PAWR: variants seen among roughly 807,000 people sequenced by gnomAD.
PAWR encodes the protein pro-apoptotic WT1 regulator, also known as PRKC apoptosis WT1 regulator protein.
A neutral mutation model predicts 32.0 loss-of-function variants in PAWR; 23 were observed. The observed-to-expected ratio is 0.72, with a 90% CI of 0.52 to 1.02. The LOEUF is 1.02. Among genes scored for constraint, PAWR ranks in the 50% least tolerant of loss-of-function variants. The pLI is 0.00. For missense variants in PAWR, 457 were observed against 437.7 expected, an observed-to-expected ratio of 1.04 and a Z score of -0.39; for synonymous variants, 226 against 187.1, an observed-to-expected ratio of 1.21 and a Z score of -1.70.
chr12:79,605,472 G>A (rs970627826), intron 4 of PAWR, among the ~76,000 whole-genome samples: 2 of 151,112 alleles, frequency 1.3e-5, no homozygotes, highest in African/African-American at 2.4e-5. Flanking sequence ...CTGCACCTTT[G>A]AACTATTCAA....
chr12:79,598,382 A>C (rs1385024404), intron 4 of PAWR, among the ~76,000 whole-genome samples: 2 of 152,238 alleles, frequency 1.3e-5, no homozygotes, highest in African/African-American at 4.8e-5. Context: ...CAGAAATAGC[A>C]GTGATTTTAA....
chr12:79,675,575 TC>T (rs1262359061), intron 2 of PAWR, among the ~76,000 whole-genome samples: 2 of 152,118 alleles, frequency 1.3e-5, no homozygotes, highest in East Asian at 3.8e-4. Flanking sequence ...CAAGGTCATG[TC>T]CTTTGCAGCA....
intron 2 of PAWR, among the ~76,000 whole-genome samples, chr12:79,660,164 G>A (rs771765265): frequency 6.6e-6 from 1 of 152,176 alleles, no homozygotes; most frequent in Non-Finnish European, 1.5e-5. Flanking sequence ...ATCAGCTACA[G>A]TGAACTGTCT....
intron 4 of PAWR, among the ~76,000 whole-genome samples, chr12:79,602,998 T>C (rs974799332): frequency 6.6e-6 from 1 of 151,994 alleles, no homozygotes; most frequent in African/African-American, 2.4e-5. Flanking sequence ...TCTCAGCACT[T>C]TGGGGGGCCA....
intron 2 of PAWR, among the ~76,000 whole-genome samples, chr12:79,648,758 C>T (rs970913186): frequency 3.3e-5 from 5 of 149,978 alleles, no homozygotes; most frequent in African/African-American, 1.2e-4. Context: ...CTTTGCACTC[C>T]ATCCTGGGCA....
At chr12:79,604,128 G>T in intron 4 of PAWR, 1 of 487,896 alleles carries the variant, frequency 2.0e-6, no homozygotes, top group Non-Finnish European at 2.7e-6. Flanking sequence ...TTGAAAGCCA[G>T]ATATGCACAG....
rs927244823 is a variant in PAWR at position 79,636,065 on chromosome 12, A to G, written c.517-14858T>C. 2.6e-5 allele frequency among the ~76,000 whole-genome samples: 4 copies of G among 152,174 alleles called. No individual in the cohort carries two copies. The East Asian group carries it at 5.8e-4, about 22-fold the overall frequency. On this transcript the variant is annotated intron_variant, in intron 2 of 6. Transcript: ENST00000328827. ...TGAGATAAAACATGCTGCTTTTGAA[A>G]GACTAACCTTACAGTGATATATATG...
intron 2 of PAWR, among the ~76,000 whole-genome samples, chr12:79,654,734 T>A (rs536190603): frequency 6.6e-6 from 1 of 151,788 alleles, no homozygotes; most frequent in East Asian, 1.9e-4. Flanking sequence ...GGCAGGAGAG[T>A]GTGAGCATGT....
At chr12:79,604,683 G>A (rs777931634) in intron 4 of PAWR, 44 of 1,288,196 alleles carry the variant, frequency 3.4e-5, no homozygotes, top group South Asian at 3.3e-4. Context: ...CCCACTCCTC[G>A]TAACAGCTCC....
intron 2 of PAWR, among the ~76,000 whole-genome samples, chr12:79,637,823 AAG>A (rs1379505059): frequency 6.6e-6 from 1 of 152,180 alleles, no homozygotes; most frequent in Non-Finnish European, 1.5e-5. Flanking sequence ...AAAAAGAAAA[AAG>A]AAAAATCATT....
In PAWR at chr12:79,690,187, G is replaced by T. The variant is rs1374504621; in HGVS notation, c.58C>A (p.Leu20Met). Residue 20 changes from leucine to methionine, a missense_variant, in exon 2 of 7, where the codon CTG becomes ATG. Transcript: ENST00000328827. ...SGLGGSTTDFLEEWKAKREKM... is the reference protein window; with the variant it reads ...SGLGGSTTDFMEEWKAKREKM... Reference sequence around the variant, plus strand: ...TCGCGTTTCGCCTTCCACTCCTCCAGGAAGTCTGTGGTGCTGCCGCCGAGG... The same window carrying T: ...TCGCGTTTCGCCTTCCACTCCTCCATGAAGTCTGTGGTGCTGCCGCCGAGG... 7.8e-6 allele frequency: 12 copies of T among 1,533,208 alleles called. No individual in the cohort carries two copies. The highest frequency in any genetic ancestry group is 1.0e-5 in the Non-Finnish European group (12 of 1,143,646). The allele number at this position is 1,533,208 out of a possible 1,614,324, so 95.0% of individuals were successfully genotyped here.
In PAWR at chr12:79,671,053, C is replaced by G. The variant is rs149232139; in HGVS notation, c.516+18676G>C. ...CCTCTAGTCCCAGCTACGCTGGAGG[C>G]TGAGGCAGGAGAATTGCTTAAGCCT... On this transcript the variant is annotated intron_variant, in intron 2 of 6. Coordinates refer to ENST00000328827, the MANE Select transcript of PAWR (RefSeq NM_002583.4). 3.0e-4 allele frequency among the ~76,000 whole-genome samples: 43 copies of G among 145,516 alleles called. 1 individual carries two copies. In the East Asian group the frequency reaches 8.1e-3, roughly 27 times the overall value.
chr12:79,615,248 G>C (rs545827103), intron 3 of PAWR, among the ~76,000 whole-genome samples: 46 of 152,240 alleles, frequency 3.0e-4, no homozygotes, highest in African/African-American at 1.1e-3. Flanking sequence ...AAATGTAAGT[G>C]TCTGACAAAT....
At chr12:79,636,321 C>T (rs967422309) in intron 2 of PAWR, among the ~76,000 whole-genome samples, 7 of 137,864 alleles carry the variant, frequency 5.1e-5, no homozygotes, top group African/African-American at 2.5e-4. Context: ...CTCTATTAAA[C>T]AAAAACTGTA....
In PAWR at chr12:79,658,754, C is replaced by T. The variant is rs570049367; in HGVS notation, c.516+30975G>A. Among the ~76,000 whole-genome samples, 13 of 152,152 alleles carry T rather than the reference C, an allele frequency of 8.5e-5. 1 individual carries two copies. The South Asian group carries it at 2.5e-3, about 29-fold the overall frequency. ...TCTCAGCTCACTGCAACCTCCACCTCCCAAATTCAAGCGATTCTCCTGCCT... is the reference window on the plus strand; with the variant it reads ...TCTCAGCTCACTGCAACCTCCACCTTCCAAATTCAAGCGATTCTCCTGCCT... On this transcript the variant is annotated intron_variant, in intron 2 of 6. Coordinates refer to ENST00000328827, the MANE Select transcript of PAWR (RefSeq NM_002583.4).
intron 2 of PAWR, among the ~76,000 whole-genome samples, chr12:79,689,075 T>G (rs1301210927): frequency 1.3e-5 from 2 of 152,126 alleles, no homozygotes; most frequent in Non-Finnish European, 2.9e-5. Flanking sequence ...CAAAAAGAGA[T>G]CGTCTTAGCG....
chr12:79,593,063 C>T (rs1873614013), intron 6 of PAWR, among the ~76,000 whole-genome samples: 1 of 152,022 alleles, frequency 6.6e-6, no homozygotes, highest in African/African-American at 2.4e-5. Context: ...CCCATGCAAG[C>T]CATATATGGT....
rs1873360598 is a variant in PAWR, at chr12:79,585,438, CA to C, written c.*7168del. 5.3e-6 allele frequency: 1 copy of C among 187,086 alleles called. No individual in the cohort carries two copies. Among genetic ancestry groups the C allele is most frequent in the Non-Finnish European group, 1.1e-5 (1 of 90,196 alleles). 11.6% of individuals were successfully genotyped at this position (187,086 alleles called of 1,614,324 possible). A position where few individuals can be genotyped will look rare whatever the true frequency, so the allele number is the denominator to read the frequency against. ...AGAAACACACTTTAAGAACCACTGG[CA>C]AAACATTTAATAAGACAATTCCATG... On this transcript the variant is annotated 3_prime_UTR_variant, in exon 7 of 7. Transcript: ENST00000328827.
chr12:79,629,542 A>G (rs1286391122), intron 2 of PAWR, among the ~76,000 whole-genome samples: 2 of 152,168 alleles, frequency 1.3e-5, no homozygotes, highest in Non-Finnish European at 2.9e-5. Context: ...GGAGATTTCA[A>G]CACTTCTCTA....
Sources: gnomAD v4.1 joint callset for allele counts (sites outside exome capture counted in the v4.1 genomes callset) on GRCh38, gnomAD v4.1.1 for gene constraint, MANE v1.5 for transcripts, NCBI Gene and HGNC (gene_info 2026-07-23, HGNC 2026-07-21) for gene names.